GOLGA2: variants seen among roughly 807,000 people sequenced by gnomAD.
GOLGA2 encodes the protein golgin subfamily A member 2.
GOLGA2 carries 49 observed loss-of-function variants against 148.8 expected under a neutral mutation model. That is an observed-to-expected ratio of 0.33 (90% CI 0.26 to 0.42). The LOEUF is 0.42. Among genes scored for constraint, GOLGA2 ranks in the 10% least tolerant of loss-of-function variants. The probability of loss-of-function intolerance (pLI) is 1.00; values close to 1 mark genes in which losing one functional copy is unlikely to be tolerated. For missense variants in GOLGA2, 1,178 were observed against 1,304.6 expected (o/e 0.90, Z 1.49); for synonymous variants, 501 against 511.8 (o/e 0.98, Z 0.28).
Position 128,256,903 on chromosome 9 carries a change from T to A in GOLGA2, c.*164A>T. On this transcript the variant is annotated 3_prime_UTR_variant, in exon 27 of 27. Coordinates refer to ENST00000611957, the MANE Select transcript of GOLGA2 (RefSeq NM_001366244.2). ...TTTAATTTAGTGGCCAGCTTTTAGA[T>A]GACAGTGATCTTCACCTCATCTGCA... 1.8e-6 allele frequency: 1 copy of A among 563,480 alleles called. No individual in the cohort carries two copies. Among genetic ancestry groups the A allele is most frequent in the East Asian group, 2.9e-5 (1 of 34,560 alleles). The allele number at this position is 563,480 out of a possible 1,614,324, so 34.9% of individuals were successfully genotyped here. A position where few individuals can be genotyped will look rare whatever the true frequency, so the allele number is the denominator to read the frequency against.
intron 3 of GOLGA2, among the ~76,000 whole-genome samples, chr9:128,272,127 GT>G (rs796122725): frequency 5.4e-4 from 75 of 138,178 alleles, no homozygotes; most frequent in African/African-American, 8.9e-4. Context: ...GTTTTTTTGT[GT>G]TTTTTTTTTT....
chr9:128,273,811 G>T, intron 2 of GOLGA2, 39 bp downstream of exon 2: 1 of 1,608,838 alleles, frequency 6.2e-7, no homozygotes, highest in Non-Finnish European at 8.5e-7. Flanking sequence ...CTGCCCCTTG[G>T]GCCCCCTGTC....
chr9:128,257,596 C>T lies in GOLGA2; in HGVS notation c.2718+5G>A, dbSNP rs1829966562. The stretch of plus-strand genomic sequence containing the variant: ...CTCCACCCCCAGAGATGTTCCACAC[C>T]CTACCTTCATCTCCTCCTTGTCTTG... On this transcript the variant is annotated splice_donor_5th_base_variant and intron_variant, in intron 25 of 26. Coordinates refer to ENST00000611957, the MANE Select transcript of GOLGA2 (RefSeq NM_001366244.2). The surrounding 1 kb of genome is among the most constrained non-coding windows in gnomAD (Gnocchi z 8.0). 5 of 1,614,030 alleles carry T rather than the reference C, an allele frequency of 3.1e-6. No individual in the cohort carries two copies. In the East Asian group the frequency reaches 1.1e-4, roughly 36 times the overall value.
Position 128,275,971 on chromosome 9 carries a change from C to G in GOLGA2, c.6G>C (p.Trp2Cys), listed in dbSNP as rs553392747. 168 of 1,596,716 alleles carry G rather than the reference C, an allele frequency of 1.1e-4. No individual in the cohort carries two copies. The East Asian group carries it at 3.4e-3, about 33-fold the overall frequency. M[W>C]PQPRLPPRPA... Reference sequence around the variant, plus strand: ...GGCGGGGAGGGAGGCGGGGTTGGGGCCACATCAGCGCGATCCCGGCAACCA... The same window carrying G: ...GGCGGGGAGGGAGGCGGGGTTGGGGGCACATCAGCGCGATCCCGGCAACCA... The change falls in exon 1 of 27, where the codon TGG becomes TGC. Residue 2 changes from tryptophan (W) to cysteine (C), a missense_variant. Coordinates refer to ENST00000611957, the MANE Select transcript of GOLGA2 (RefSeq NM_001366244.2).
rs1447914484 is a variant in GOLGA2 at position 128,260,228 on chromosome 9, C to A, written c.1759-39G>T. 3.4e-6 allele frequency: 5 copies of A among 1,477,490 alleles called. No individual in the cohort carries two copies. In the Admixed American group the frequency reaches 5.0e-5, roughly 15 times the overall value. 91.5% of individuals were successfully genotyped at this position (1,477,490 alleles called of 1,614,324 possible). A position where few individuals can be genotyped will look rare whatever the true frequency, so the allele number is the denominator to read the frequency against. The stretch of plus-strand genomic sequence containing the variant: ...AGCAATCAGCGGCCACCCACTGCAG[C>A]TGGAGACCCCAGAACTTGCTGCCTT... On this transcript the variant is annotated intron_variant, in intron 18 of 26. Coordinates refer to ENST00000611957, the MANE Select transcript of GOLGA2 (RefSeq NM_001366244.2). This position sits in a 1 kb window ranked among gnomAD's most constrained non-coding sequence, Gnocchi z 4.8.
In GOLGA2 at chr9:128,266,364, C is replaced by CA; in HGVS notation, c.643-40_643-39insT. Reference sequence around the variant, plus strand: ...TCAAAGGAAGGTGACTGAGGGTGGCCCCCTCAACTCTATTCCCCAGACCAG... The same window carrying CA: ...TCAAAGGAAGGTGACTGAGGGTGGCCACCCTCAACTCTATTCCCCAGACCAG... On this transcript the variant is annotated intron_variant, in intron 8 of 26. Transcript: ENST00000611957. This position sits in a 1 kb window ranked among gnomAD's most constrained non-coding sequence, Gnocchi z 4.2. 6.4e-7 allele frequency: 1 copy of CA among 1,574,098 alleles called. No individual in the cohort carries two copies. Among genetic ancestry groups the CA allele is most frequent in the Non-Finnish European group, 8.7e-7 (1 of 1,145,814 alleles).
chr9:128,260,162 C>T lies in GOLGA2; in HGVS notation c.1786G>A (p.Ala596Thr), dbSNP rs142411612. Residue 596 changes from alanine to threonine, a missense_variant, in exon 19 of 27, where the codon GCA (alanine) becomes ACA (threonine). Ala to Thr is a moderately conservative substitution (Grantham distance 58). Transcript: ENST00000611957. The surrounding 1 kb of genome is among the most constrained non-coding windows in gnomAD (Gnocchi z 4.8). ...TTGACGTGCTGCTCCGACTGCAGTGCGCTGGTGATCTCCATGTTCTCATTA... is the reference window on the plus strand; with the variant it reads ...TTGACGTGCTGCTCCGACTGCAGTGTGCTGGTGATCTCCATGTTCTCATTA... Reference protein sequence around the residue: ...LTNENMEITSALQSEQHVKRE... With the variant: ...LTNENMEITSTLQSEQHVKRE... 34 of 1,608,744 alleles carry T rather than the reference C, an allele frequency of 2.1e-5. No individual in the cohort carries two copies. Among genetic ancestry groups the T allele is most frequent in the Admixed American group, 6.7e-5 (4 of 60,004 alleles).
In GOLGA2 at chr9:128,266,393, C is replaced by T. The variant is rs550267323; in HGVS notation, c.643-68G>A. ...TCAACTCTATTCCCCAGACCAGGAA[C>T]GGGTAGGCAGGGGCCAGGAATGGAT... is the stretch of plus-strand genomic sequence containing the variant. On this transcript the variant is annotated intron_variant, in intron 8 of 26. Coordinates refer to ENST00000611957, the MANE Select transcript of GOLGA2 (RefSeq NM_001366244.2). This position sits in a 1 kb window ranked among gnomAD's most constrained non-coding sequence, Gnocchi z 4.2. 48 of 1,402,168 alleles carry T rather than the reference C, an allele frequency of 3.4e-5. No individual in the cohort carries two copies. Among genetic ancestry groups the T allele is most frequent in the African/African-American group, 1.6e-4 (11 of 70,770 alleles). The allele number at this position is 1,402,168 out of a possible 1,614,324, so 86.9% of individuals were successfully genotyped here. A position where few individuals can be genotyped will look rare whatever the true frequency, so the allele number is the denominator to read the frequency against.
In GOLGA2 at chr9:128,275,877, A is replaced by T; in HGVS notation, c.84+16T>A. The T allele has an allele frequency of 6.9e-7, 1 of 1,455,398 alleles. No individual in the cohort carries two copies. The highest frequency in any genetic ancestry group is 1.2e-5 in the South Asian group (1 of 82,566). 90.2% of individuals were successfully genotyped at this position (1,455,398 alleles called of 1,614,324 possible). On this transcript the variant is annotated intron_variant, in intron 1 of 26. Transcript: ENST00000611957. ...GCTGGGGCTGGGTCGGGGGGCCGCGACCCGGTGCACTTTACCTTTTTCTTC... is the reference window on the plus strand; with the variant it reads ...GCTGGGGCTGGGTCGGGGGGCCGCGTCCCGGTGCACTTTACCTTTTTCTTC...
rs1830921508 is a variant in GOLGA2, at chr9:128,271,206, C to T, written c.288+1579G>A. ...CAGAGCAAAAGCCAAATGCTTTTGG[C>T]TGCAGGTCACCTCTAAGCCTGTGCT... is the stretch of plus-strand genomic sequence containing the variant. On this transcript the variant is annotated intron_variant, in intron 3 of 26. Transcript: ENST00000611957. This position sits in a 1 kb window ranked among gnomAD's most constrained non-coding sequence, Gnocchi z 4.4. Among the ~76,000 whole-genome samples, 1 of 152,186 alleles carries T rather than the reference C, an allele frequency of 6.6e-6. No homozygotes were observed. The highest frequency in any genetic ancestry group is 2.4e-5 in the African/African-American group (1 of 41,448).
intron 7 of GOLGA2, 62 bp from the exon 8 acceptor site, chr9:128,267,336 T>G: frequency 1.5e-6 from 2 of 1,350,468 alleles, no homozygotes; most frequent in Non-Finnish European, 2.1e-6. Flanking sequence ...GAGAGAGCAA[T>G]CATTAGGGTT....
At position 128,257,237 on chromosome 9, in the gene GOLGA2, C is replaced by T. The variant is rs768478220; in HGVS notation, c.2920G>A (p.Gly974Arg). The change falls in exon 27 of 27, where the codon GGA becomes AGA. Residue 974 changes from glycine to arginine, a missense_variant. Gly to Arg is a moderately radical substitution (Grantham distance 125). Around this residue, in one of 5 missense-constraint regions of GOLGA2, gnomAD observed 149 missense variants for 154.9 expected, o/e 0.96. Coordinates refer to ENST00000611957, the MANE Select transcript of GOLGA2 (RefSeq NM_001366244.2). This position sits in a 1 kb window ranked among gnomAD's most constrained non-coding sequence, Gnocchi z 8.0. ...SLAGSVEPAQ[G>R]EAREGSPRDN... is the part of the protein sequence containing the mutation. Reference sequence around the variant, plus strand: ...CGGGGAGAACCCTCCCTGGCCTCTCCTTGGGCAGGCTCCACACTGCCGGCG... The same window carrying T: ...CGGGGAGAACCCTCCCTGGCCTCTCTTTGGGCAGGCTCCACACTGCCGGCG... 1.9e-6 allele frequency: 3 copies of T among 1,613,622 alleles called. No individual in the cohort carries two copies. The highest frequency in any genetic ancestry group is 3.3e-5 in the Admixed American group (2 of 60,012).
chr9:128,258,665 C>G lies in GOLGA2; in HGVS notation c.2174-95G>C. On this transcript the variant is annotated intron_variant, in intron 21 of 26. Coordinates refer to ENST00000611957, the MANE Select transcript of GOLGA2 (RefSeq NM_001366244.2). The surrounding 1 kb of genome is among the most constrained non-coding windows in gnomAD (Gnocchi z 6.6). ...CCTCACTGTGTAACCCTGGGCCAGC[C>G]CCTCCCCAGAGGGAAATAAGCATCT... The G allele has an allele frequency of 1.2e-6, 1 of 857,724 alleles. No homozygotes were observed. The highest frequency in any genetic ancestry group is 1.8e-6 in the Non-Finnish European group (1 of 554,410). The allele number at this position is 857,724 out of a possible 1,614,324, so 53.1% of individuals were successfully genotyped here.
In GOLGA2 at chr9:128,265,901, C is replaced by G; in HGVS notation, c.733-20G>C. 5 of 1,607,628 alleles carry G rather than the reference C, an allele frequency of 3.1e-6. No homozygotes were observed. Among genetic ancestry groups the G allele is most frequent in the Non-Finnish European group, 4.3e-6 (5 of 1,174,134 alleles). ...GTGAACCTTTGGGAGGAAACCCAAG[C>G]AAGTGCTGAAAAAGAAGGAAAGAAA... On this transcript the variant is annotated intron_variant, in intron 10 of 26. Transcript: ENST00000611957.
intron 2 of GOLGA2, 85 bp from the exon 3 acceptor site, chr9:128,272,950 G>A (rs1158855151): frequency 1.4e-5 from 6 of 424,200 alleles, no homozygotes; most frequent in Admixed American, 2.9e-5. Flanking sequence ...CAGGGAAGGA[G>A]GAAGATGTGG....
Position 128,268,127 on chromosome 9 carries a change from C to T in GOLGA2, c.427G>A (p.Asp143Asn). 1 of 1,613,508 alleles carries T rather than the reference C, an allele frequency of 6.2e-7. No homozygotes were observed. The highest frequency in any genetic ancestry group is 8.5e-7 in the Non-Finnish European group (1 of 1,179,452). ...ACAGGAGACACTCACTTGGTTTCAT[C>T]CATGAGATTAGGGACATTGTCAGCA... ...HDADNVPNLM[D>N]ETKTFSSTES... The change falls in exon 5 of 27, where the codon GAT (aspartate) becomes AAT (asparagine). Residue 143 changes from aspartate (D) to asparagine (N), a missense_variant. Asp to Asn is a conservative substitution (Grantham distance 23). Coordinates refer to ENST00000611957, the MANE Select transcript of GOLGA2 (RefSeq NM_001366244.2).
At chr9:128,267,655 C>T (rs1830675839) in intron 6 of GOLGA2, 138 bp from the exon 7 acceptor site, 1 of 710,812 alleles carries the variant, frequency 1.4e-6, no homozygotes, top group Non-Finnish European at 2.5e-6. Flanking sequence ...TTTGTGCCAA[C>T]TTCTCTCATG....
chr9:128,260,259 C>G lies in GOLGA2; in HGVS notation c.1759-70G>C, dbSNP rs1488397484. The stretch of plus-strand genomic sequence containing the variant: ...ACCCCAGAACTTGCTGCCTTGGTGT[C>G]TGCCTCCCATGGCACCGGGAAGGGT... On this transcript the variant is annotated intron_variant, in intron 18 of 26. Transcript: ENST00000611957. This position sits in a 1 kb window ranked among gnomAD's most constrained non-coding sequence, Gnocchi z 4.8. 106 of 1,310,242 alleles carry G rather than the reference C, an allele frequency of 8.1e-5. No homozygotes were observed. The highest frequency in any genetic ancestry group is 1.1e-4 in the Non-Finnish European group (104 of 915,148). 81.2% of individuals were successfully genotyped at this position (1,310,242 alleles called of 1,614,324 possible). A position where few individuals can be genotyped will look rare whatever the true frequency, so the allele number is the denominator to read the frequency against.
Position 128,258,940 on chromosome 9 carries a change from C to T in GOLGA2, c.2173+67G>A. The T allele has an allele frequency of 9.4e-7, 1 of 1,064,592 alleles. No homozygotes were observed. The highest frequency in any genetic ancestry group is 1.7e-5 in the Admixed American group (1 of 58,542). 65.9% of individuals were successfully genotyped at this position (1,064,592 alleles called of 1,614,324 possible). ...AAAGGTCTCTTCCAACTCCTCAATTCTACGCTGCTAACAGTCCCCCCTTCT... is the reference window on the plus strand; with the variant it reads ...AAAGGTCTCTTCCAACTCCTCAATTTTACGCTGCTAACAGTCCCCCCTTCT... On this transcript the variant is annotated intron_variant, in intron 21 of 26. Coordinates refer to ENST00000611957, the MANE Select transcript of GOLGA2 (RefSeq NM_001366244.2). This position sits in a 1 kb window ranked among gnomAD's most constrained non-coding sequence, Gnocchi z 6.6.
Sources: gnomAD v4.1 joint callset for allele counts (sites outside exome capture counted in the v4.1 genomes callset) on GRCh38, gnomAD v4.1.1 for gene constraint, gnomAD v4.1.1 regional missense constraint, Gnocchi (gnomAD v3.1) non-coding constraint, MANE v1.5 for transcripts, NCBI Gene and HGNC (gene_info 2026-07-23, HGNC 2026-07-21) for gene names.